USP29: variants seen among roughly 807,000 people sequenced by gnomAD.
USP29 encodes the protein ubiquitin specific peptidase 29, also known as ubiquitin carboxyl-terminal hydrolase 29.
For synonymous variants in USP29, 386 were observed against 387.4 expected (o/e 1.00, Z 0.04); for missense variants, 1,102 against 1,069.0 (o/e 1.03, Z -0.43).
chr19:57,119,726 A>T (rs2146947430), upstream of USP29, among the ~76,000 whole-genome samples: 1 of 151,878 alleles, frequency 6.6e-6, no homozygotes, highest in East Asian at 2.0e-4. Flanking sequence ...CCCGGCCGGG[A>T]TGACTGTTAT....
chr19:57,125,938 G>C (rs1400173197), intron 3 of USP29, among the ~76,000 whole-genome samples: 1 of 152,112 alleles, frequency 6.6e-6, no homozygotes, highest in Non-Finnish European at 1.5e-5. Flanking sequence ...TCCTCCAGGA[G>C]CTCTTGTAAG....
At position 57,131,679 on chromosome 19, in the gene USP29, T is replaced by G; in HGVS notation, c.*235T>G. The G allele has an allele frequency of 3.3e-6, 2 of 612,130 alleles. No individual in the cohort carries two copies. The highest frequency in any genetic ancestry group is 2.6e-6 in the Non-Finnish European group (1 of 379,048). The allele number at this position is 612,130 out of a possible 1,614,324, so 37.9% of individuals were successfully genotyped here. A position where few individuals can be genotyped will look rare whatever the true frequency, so the allele number is the denominator to read the frequency against. On this transcript the variant is annotated 3_prime_UTR_variant, in exon 4 of 4. Coordinates refer to ENST00000254181, the MANE Select transcript of USP29 (RefSeq NM_020903.3). ...GATTAGAATGGTGCTCTTCACGTTT[T>G]GACGGTGGTTTTCAAAATGTTGTTC... is the stretch of plus-strand genomic sequence containing the variant.
chr19:57,126,008 T>C (rs528522172), intron 3 of USP29, among the ~76,000 whole-genome samples: 8 of 152,306 alleles, frequency 5.3e-5, no homozygotes, highest in Admixed American at 4.6e-4. Context: ...ATTGTATTTT[T>C]TCTTCGCTTA....
In USP29 at chr19:57,129,384, A is replaced by G. The variant is rs1440518391; in HGVS notation, c.709A>G (p.Asn237Asp). The change falls in exon 4 of 4, where the codon AAC becomes GAC. Residue 237 changes from asparagine (N) to aspartate (D), a missense_variant. Physicochemically the swap from Asn to Asp is conservative, Grantham distance 23. Transcript: ENST00000254181. ...CAATACCAACTGTAATGGAAATCCT[A>G]ACCTAGATGAGACTGTTCTTGCAAC... ...SFNTNCNGNP[N>D]LDETVLATQT... 6.2e-7 allele frequency: 1 copy of G among 1,614,214 alleles called. No individual in the cohort carries two copies. The highest frequency in any genetic ancestry group is 1.7e-5 in the Admixed American group (1 of 60,020).
chr19:57,128,250 T>A (rs2086833897), intron 3 of USP29, among the ~76,000 whole-genome samples: 1 of 152,144 alleles, frequency 6.6e-6, no homozygotes. Flanking sequence ...TTTAAAAAAT[T>A]TTATGTAGCG....
At chr19:57,120,552 C>G (rs2086789151) in intron 1 of USP29, among the ~76,000 whole-genome samples, 1 of 151,490 alleles carries the variant, frequency 6.6e-6, no homozygotes, top group African/African-American at 2.4e-5. Flanking sequence ...TTTGGGAGGC[C>G]GAGGCGGGTA....
At position 57,130,072 on chromosome 19, in the gene USP29, C is replaced by T; in HGVS notation, c.1397C>T (p.Pro466Leu). Residue 466 changes from proline (P) to leucine (L), a missense_variant, in exon 4 of 4, where the codon CCT becomes CTT. Physicochemically the swap from Pro to Leu is moderately conservative, Grantham distance 98. Coordinates refer to ENST00000254181, the MANE Select transcript of USP29 (RefSeq NM_020903.3). ...CTGCACCAAGAAACAAAACCACTTC[C>T]TTTGTCCATTCAGAATTCTTTAGAT... ...INLHQETKPLPLSIQNSLDLF... is the reference protein window; with the variant it reads ...INLHQETKPLLLSIQNSLDLF... 6.2e-7 allele frequency: 1 copy of T among 1,613,598 alleles called. No homozygotes were observed. The highest frequency in any genetic ancestry group is 8.5e-7 in the Non-Finnish European group (1 of 1,179,852).
intron 3 of USP29, 31 bp from the exon 4 acceptor site, chr19:57,128,629 G>A: frequency 6.6e-7 from 1 of 1,512,228 alleles, no homozygotes; most frequent in South Asian, 1.4e-5. Flanking sequence ...TATATTCTTG[G>A]TTAAAATGCA....
chr19:57,129,234 G>A lies in USP29; in HGVS notation c.559G>A (p.Asp187Asn). Residue 187 changes from aspartate to asparagine, a missense_variant, in exon 4 of 4, where the codon GAT (aspartate) becomes AAT (asparagine). Physicochemically the swap from Asp to Asn is conservative, Grantham distance 23. Coordinates refer to ENST00000254181, the MANE Select transcript of USP29 (RefSeq NM_020903.3). ...VQTNEDILKE[D>N]NPVPNKKYKT... Reference sequence around the variant, plus strand: ...GACAAATGAGGACATTCTGAAGGAAGATAACCCTGTACCAAACAAGAAATA... The same window carrying A: ...GACAAATGAGGACATTCTGAAGGAAAATAACCCTGTACCAAACAAGAAATA... 6.2e-7 allele frequency: 1 copy of A among 1,612,594 alleles called. No homozygotes were observed. Among genetic ancestry groups the A allele is most frequent in the Non-Finnish European group, 8.5e-7 (1 of 1,179,572 alleles).
intron 3 of USP29, among the ~76,000 whole-genome samples, chr19:57,125,080 T>A (rs2086816995): frequency 6.6e-6 from 1 of 152,210 alleles, no homozygotes; most frequent in Admixed American, 6.5e-5. Context: ...GCAGTCCCAT[T>A]TTCACTTATG....
chr19:57,120,876 G>A (rs1304221804), intron 1 of USP29, among the ~76,000 whole-genome samples: 2 of 150,864 alleles, frequency 1.3e-5, no homozygotes, highest in African/African-American at 4.9e-5. Context: ...AGGCCAAGGC[G>A]GGCGGATCAG....
chr19:57,130,763 A>C lies in USP29; in HGVS notation c.2088A>C (p.Lys696Asn). Reference sequence around the variant, plus strand: ...ATCCAGAACTTCAGAAGTATGAGAAAACCAATACATTCGTAGAGTTCAATT... The same window carrying C: ...ATCCAGAACTTCAGAAGTATGAGAACACCAATACATTCGTAGAGTTCAATT... ...PQHPELQKYE[K>N]TNTFVEFNFD... The change falls in exon 4 of 4, where the codon AAA becomes AAC. Residue 696 changes from lysine (K) to asparagine (N), a missense_variant. Lys to Asn is a moderately conservative substitution (Grantham distance 94). Coordinates refer to ENST00000254181, the MANE Select transcript of USP29 (RefSeq NM_020903.3). 1 of 1,614,180 alleles carries C rather than the reference A, an allele frequency of 6.2e-7. No homozygotes were observed. Among genetic ancestry groups the C allele is most frequent in the Non-Finnish European group, 8.5e-7 (1 of 1,180,050 alleles).
In USP29 at chr19:57,131,863, A is replaced by G. The variant is rs944943972; in HGVS notation, c.*419A>G. 1 of 183,560 alleles carries G rather than the reference A, an allele frequency of 5.4e-6. No homozygotes were observed. The highest frequency in any genetic ancestry group is 2.4e-5 in the African/African-American group (1 of 41,886). 11.4% of individuals were successfully genotyped at this position (183,560 alleles called of 1,614,324 possible). A position where few individuals can be genotyped will look rare whatever the true frequency, so the allele number is the denominator to read the frequency against. On this transcript the variant is annotated 3_prime_UTR_variant, in exon 4 of 4. Transcript: ENST00000254181. ...GAAGAACACTGGTAATGTGTGGAGT[A>G]TCTTGGTGTATTTTGCTACTGTTGA...
intron 1 of USP29, among the ~76,000 whole-genome samples, chr19:57,120,875 C>T (rs2086791846): frequency 1.3e-5 from 2 of 149,322 alleles, no homozygotes; most frequent in Admixed American, 6.7e-5. Flanking sequence ...GAGGCCAAGG[C>T]GGGCGGATCA....
At chr19:57,120,807 A>AAAAAAAC (rs1279692228) in intron 1 of USP29, among the ~76,000 whole-genome samples, 2 of 147,584 alleles carry the variant, frequency 1.4e-5, no homozygotes, top group Non-Finnish European at 3.0e-5. Flanking sequence ...AAAAAAAAAA[A>AAAAAAAC]AAAAAACAGA....
chr19:57,120,490 A>G (rs143950525), intron 1 of USP29, among the ~76,000 whole-genome samples: 29 of 150,728 alleles, frequency 1.9e-4, no homozygotes, highest in African/African-American at 5.9e-4. Context: ...CTCAAAAACT[A>G]TATAAAAGAA....
chr19:57,120,780 C>T lies in USP29; in HGVS notation c.-268+551C>T, dbSNP rs554710868. ...CCAGCCTGGGCGACAGAGCGAGAGA[C>T]TCCGTCTCAAAAAAAAAAAAAAAAA... On this transcript the variant is annotated intron_variant, in intron 1 of 3. Coordinates refer to ENST00000254181, the MANE Select transcript of USP29 (RefSeq NM_020903.3). Among the ~76,000 whole-genome samples, 5 of 52,832 alleles carry T rather than the reference C, an allele frequency of 9.5e-5. 1 individual carries two copies. In the South Asian group the frequency reaches 3.9e-3, roughly 41 times the overall value. The allele number at this position is 52,832 out of a possible 152,430, so 34.7% of individuals were successfully genotyped here.
Position 57,130,265 on chromosome 19 carries a change from T to C in USP29, c.1590T>C (p.Tyr530=), listed in dbSNP as rs376511760. 26 of 1,614,030 alleles carry C rather than the reference T, an allele frequency of 1.6e-5. No individual in the cohort carries two copies. Among genetic ancestry groups the C allele is most frequent in the Non-Finnish European group, 2.1e-5 (25 of 1,180,036 alleles). ...WLLVKNNEQV[Y]IPKSLSLSSY... is the part of the protein sequence containing the mutation. The stretch of plus-strand genomic sequence containing the variant: ...TGGTGAAGAATAACGAGCAAGTTTA[T>C]ATTCCCAAATCTTTAAGTTTATCTT... Residue 530 remains tyrosine (Y), a synonymous_variant, in exon 4 of 4, where the codon TAT becomes TAC. Coordinates refer to ENST00000254181, the MANE Select transcript of USP29 (RefSeq NM_020903.3).
In USP29 at chr19:57,128,912, C is replaced by T. The variant is rs778704814; in HGVS notation, c.237C>T (p.Asn79=). ...ACCTGCGTTTAACTTTGAAAAACAA[C>T]GTGTTCTTGTTTATTGACAAATTAT... The part of the protein sequence containing the change: ...QSHLRLTLKN[N]VFLFIDKLSY... Residue 79 remains asparagine, a synonymous_variant, in exon 4 of 4, where the codon AAC becomes AAT. Transcript: ENST00000254181. 26 of 1,613,634 alleles carry T rather than the reference C, an allele frequency of 1.6e-5. No individual in the cohort carries two copies. Among genetic ancestry groups the T allele is most frequent in the African/African-American group, 1.2e-4 (9 of 74,912 alleles).
Sources: gnomAD v4.1 joint callset for allele counts (sites outside exome capture counted in the v4.1 genomes callset) on GRCh38, gnomAD v4.1.1 for gene constraint, MANE v1.5 for transcripts, NCBI Gene and HGNC (gene_info 2026-07-23, HGNC 2026-07-21) for gene names.